NEK1: variants seen among roughly 807,000 people sequenced by gnomAD.
The protein encoded by NEK1 is NIMA related kinase 1.
A neutral mutation model predicts 182.1 loss-of-function variants in NEK1; 137 were observed. That is an observed-to-expected ratio of 0.75 (90% CI 0.65 to 0.87). The LOEUF (loss-of-function observed/expected upper bound fraction) is 0.87, where lower values mean the gene tolerates loss of function less well. Among genes scored for constraint, NEK1 ranks in the 40% least tolerant of loss-of-function variants. The pLI is 0.00. For missense variants in NEK1, 1,391 were observed against 1,494.4 expected (o/e 0.93, Z 1.14); for synonymous variants, 513 against 492.2 (o/e 1.04, Z -0.56).
intron 26 of NEK1, among the ~76,000 whole-genome samples, chr4:169,474,704 C>T (rs1561253077): frequency 1.3e-5 from 2 of 152,116 alleles, no homozygotes; most frequent in Non-Finnish European, 2.9e-5. Context: ...CTGTCTGTTC[C>T]TCATTTTCTT....
chr4:169,579,969 C>A (rs910853909), intron 11 of NEK1, among the ~76,000 whole-genome samples: 2 of 152,214 alleles, frequency 1.3e-5, no homozygotes, highest in Admixed American at 6.5e-5. Flanking sequence ...TATTAAATAA[C>A]TTCCATTGAT....
At chr4:169,480,069 C>G (rs548586390) in intron 23 of NEK1, among the ~76,000 whole-genome samples, 9 of 152,148 alleles carry the variant, frequency 5.9e-5, no homozygotes, top group African/African-American at 2.2e-4. Context: ...CATTTAAACT[C>G]TAAACAAAGT....
At chr4:169,580,472 G>C (rs1442086099) in intron 11 of NEK1, among the ~76,000 whole-genome samples, 1 of 131,150 alleles carries the variant, frequency 7.6e-6, no homozygotes, top group African/African-American at 2.9e-5. Flanking sequence ...GCTCCAGCCT[G>C]GGCAAGAGCG....
intron 2 of NEK1, among the ~76,000 whole-genome samples, chr4:169,609,641 C>T (rs1360527640): frequency 1.3e-5 from 2 of 152,136 alleles, no homozygotes; most frequent in African/African-American, 4.8e-5. Context: ...GCACCCCTGG[C>T]TTGTATTAAA....
rs1367598835 is a variant in NEK1, at chr4:169,411,285, TA to T, written c.3223-4539del. ...TGATATTATGATCTTTATCTGACTC[TA>T]TTTTTTTTTTTTTTTTAGTCTCAGT... On this transcript the variant is annotated intron_variant, in intron 31 of 35. Transcript: ENST00000507142. Among the ~76,000 whole-genome samples the T allele has an allele frequency of 1.7e-4, 25 of 145,200 alleles. 2 individuals are homozygous for T. The highest frequency in any genetic ancestry group is 6.8e-4 in the African/African-American group (25 of 36,502).
intron 32 of NEK1, among the ~76,000 whole-genome samples, chr4:169,403,836 T>C (rs1041824194): frequency 5.9e-5 from 9 of 152,050 alleles, no homozygotes; most frequent in African/African-American, 2.2e-4. Flanking sequence ...CAGTTTTTAG[T>C]TGGCTATCTT....
intron 28 of NEK1, among the ~76,000 whole-genome samples, chr4:169,436,692 C>T (rs1738475127): frequency 6.6e-6 from 1 of 152,198 alleles, no homozygotes; most frequent in Non-Finnish European, 1.5e-5. Context: ...GAAGACATGG[C>T]CTCAAGACAA....
chr4:169,435,121 TTATTTC>T (rs1738157520), intron 28 of NEK1, among the ~76,000 whole-genome samples: 1 of 152,150 alleles, frequency 6.6e-6, no homozygotes, highest in African/African-American at 2.4e-5. Flanking sequence ...TAATAGAAAC[TTATTTC>T]TCAGAGTTCT....
chr4:169,422,733 T>C (rs572369837), intron 31 of NEK1, among the ~76,000 whole-genome samples: 5 of 152,332 alleles, frequency 3.3e-5, no homozygotes, highest in African/African-American at 9.6e-5. Flanking sequence ...TCTAATTTGC[T>C]GTGGTTACTT....
At chr4:169,514,673 TTTAA>T (rs1281649014) in intron 19 of NEK1, among the ~76,000 whole-genome samples, 3 of 152,234 alleles carry the variant, frequency 2.0e-5, no homozygotes, top group Admixed American at 6.5e-5. Flanking sequence ...AATTTATCCT[TTTAA>T]TTGTTACAAG....
intron 16 of NEK1, among the ~76,000 whole-genome samples, chr4:169,560,787 T>A (rs1055741990): frequency 2.1e-5 from 3 of 140,258 alleles, no homozygotes; most frequent in African/African-American, 7.6e-5. Context: ...AAAAAAAACT[T>A]TTTTTTTTTT....
chr4:169,555,646 G>T, intron 18 of NEK1, 74 bp downstream of exon 18: 1 of 1,556,540 alleles, frequency 6.4e-7, no homozygotes, highest in Non-Finnish European at 8.9e-7. Context: ...TCCACAAAGT[G>T]TAGGTACTAA....
chr4:169,503,720 C>G (rs1580288181), intron 23 of NEK1, among the ~76,000 whole-genome samples: 1 of 152,162 alleles, frequency 6.6e-6, no homozygotes, highest in East Asian at 1.9e-4. Flanking sequence ...AAAATCAAAT[C>G]AAAATGTATT....
At chr4:169,449,446 A>C (rs1741279273) in intron 27 of NEK1, among the ~76,000 whole-genome samples, 1 of 152,210 alleles carries the variant, frequency 6.6e-6, no homozygotes, top group African/African-American at 2.4e-5. Context: ...CCACTCTGGG[A>C]CAAAGCTTCC....
intron 32 of NEK1, among the ~76,000 whole-genome samples, chr4:169,402,777 T>C (rs1731910494): frequency 6.6e-6 from 1 of 152,330 alleles, no homozygotes; most frequent in East Asian, 1.9e-4. Context: ...CACTGAAATC[T>C]AGTCTTTGAC....
chr4:169,410,062 A>C (rs1257917539), intron 31 of NEK1, among the ~76,000 whole-genome samples: 1 of 152,210 alleles, frequency 6.6e-6, no homozygotes, highest in Non-Finnish European at 1.5e-5. Flanking sequence ...GAACACTTTC[A>C]GTTCTATAAT....
intron 19 of NEK1, among the ~76,000 whole-genome samples, chr4:169,527,230 T>C (rs1273174467): frequency 6.6e-6 from 1 of 152,002 alleles, no homozygotes; most frequent in Non-Finnish European, 1.5e-5. Flanking sequence ...AAAACACCAT[T>C]CAGATATGAA....
chr4:169,590,904 T>A, intron 5 of NEK1, 95 bp from the exon 6 acceptor site: 1 of 790,758 alleles, frequency 1.3e-6, no homozygotes, highest in Non-Finnish European at 2.0e-6. Flanking sequence ...CTTAAAAAGA[T>A]ATTTTAGGCT....
chr4:169,548,062 T>G (rs112434773), intron 18 of NEK1, among the ~76,000 whole-genome samples: 13,377 of 152,292 alleles, frequency 0.088, 759 homozygotes, highest in African/African-American at 0.16. Context: ...TTCTGGTTTT[T>G]GGAATTTTCA....
Sources: gnomAD v4.1 joint callset for allele counts (sites outside exome capture counted in the v4.1 genomes callset) on GRCh38, gnomAD v4.1.1 for gene constraint, MANE v1.5 for transcripts, NCBI Gene and HGNC (gene_info 2026-07-23, HGNC 2026-07-21) for gene names.